Variants in AGBL4 observed in about 807,000 individuals in gnomAD.
AGBL4 encodes cytosolic carboxypeptidase 6.
A neutral mutation model predicts 66.4 loss-of-function variants in AGBL4; 58 were observed. The ratio of observed to expected loss-of-function variants is 0.87; its 90% CI spans 0.71 to 1.09. The LOEUF is 1.09. AGBL4 is among the 50% of genes least tolerant of loss of function. The probability of loss-of-function intolerance (pLI) is 0.00; values close to 1 mark genes in which losing one functional copy is unlikely to be tolerated. For synonymous variants in AGBL4, 234 were observed against 222.9 expected (o/e 1.05, Z -0.44); for missense variants, 579 against 631.0 (o/e 0.92, Z 0.88).
At chr1:49,163,180 T>C (rs1160982232) in intron 4 of AGBL4, among the ~76,000 whole-genome samples, 1 of 152,222 alleles carries the variant, frequency 6.6e-6, no homozygotes, top group Non-Finnish European at 1.5e-5. Context: ...GAACAAGTAC[T>C]CTTTCACACA....
At chr1:48,912,468 C>T (rs2355693) in intron 5 of AGBL4, among the ~76,000 whole-genome samples, 37,287 of 152,082 alleles carry the variant, frequency 0.25, 4,764 homozygotes, top group East Asian at 0.42. Context: ...CTGCCCAGGA[C>T]GTTGCCATTG....
intron 3 of AGBL4, among the ~76,000 whole-genome samples, chr1:49,323,448 A>ATTTTTTTTTT (rs11295329): frequency 1.0e-4 from 12 of 114,854 alleles, no homozygotes; most frequent in African/African-American, 1.4e-4. Context: ...TGCCTGGCTA[A>ATTTTTTTTTT]TTTTTTTTTT....
chr1:49,833,162 A>G (rs1263738477), intron 2 of AGBL4, among the ~76,000 whole-genome samples: 1 of 152,170 alleles, frequency 6.6e-6, no homozygotes. Context: ...TCTTGAATTA[A>G]TTTTTGTATA....
chr1:49,025,321 T>G (rs1018497901), intron 5 of AGBL4, among the ~76,000 whole-genome samples: 1 of 152,078 alleles, frequency 6.6e-6, no homozygotes, highest in Admixed American at 6.5e-5. Flanking sequence ...TTATCTCCCT[T>G]CTCTGGACCC....
intron 6 of AGBL4, among the ~76,000 whole-genome samples, chr1:48,721,910 A>G (rs752599): frequency 0.33 from 49,863 of 152,074 alleles, 8,963 homozygotes; most frequent in East Asian, 0.74. Context: ...ATGAGTGTGC[A>G]CTATATGCCA....
At chr1:48,970,534 A>G (rs1298033368) in intron 5 of AGBL4, among the ~76,000 whole-genome samples, 1 of 152,190 alleles carries the variant, frequency 6.6e-6, no homozygotes, top group Admixed American at 6.5e-5. Context: ...CAAATGATCT[A>G]CTGTTGCATT....
chr1:49,674,372 T>C lies in AGBL4; in HGVS notation c.282+22941A>G, dbSNP rs1367163444. Among the ~76,000 whole-genome samples, 3 of 151,974 alleles carry C rather than the reference T, an allele frequency of 2.0e-5. No homozygotes were observed. In the East Asian group the frequency reaches 5.8e-4, roughly 29 times the overall value. On this transcript the variant is annotated intron_variant, in intron 3 of 13. Transcript: ENST00000371839. ...CCCAGCATGTATTCTTCATGACACC[T>C]CCTCTACAAGAGTGAGTCAAATACA...
At chr1:48,888,354 C>T (rs1469864925) in intron 5 of AGBL4, among the ~76,000 whole-genome samples, 1 of 152,158 alleles carries the variant, frequency 6.6e-6, no homozygotes, top group Non-Finnish European at 1.5e-5. Context: ...CTCTGGGTAT[C>T]CTTCTGCCTC....
chr1:49,964,420 T>TG (rs1657382302), intron 1 of AGBL4, among the ~76,000 whole-genome samples: 1 of 152,142 alleles, frequency 6.6e-6, no homozygotes, highest in African/African-American at 2.4e-5. Context: ...CCTGAAGACC[T>TG]GATCAAGATA....
chr1:49,727,920 T>G (rs1005292584), intron 2 of AGBL4, among the ~76,000 whole-genome samples: 1 of 152,066 alleles, frequency 6.6e-6, no homozygotes, highest in Non-Finnish European at 1.5e-5. Context: ...TTCTGAAAAC[T>G]CTCCATTTTG....
At chr1:48,615,178 G>C (rs926328449) in intron 9 of AGBL4, among the ~76,000 whole-genome samples, 1 of 152,158 alleles carries the variant, frequency 6.6e-6, no homozygotes, top group African/African-American at 2.4e-5. Flanking sequence ...AGAGGAACAG[G>C]CATATTAGGA....
intron 6 of AGBL4, among the ~76,000 whole-genome samples, chr1:48,825,675 G>C (rs1646412185): frequency 6.6e-6 from 1 of 152,156 alleles, no homozygotes; most frequent in Non-Finnish European, 1.5e-5. Context: ...AAGGGGAAAG[G>C]GCATTTTCCT....
At chr1:49,536,134 T>A (rs1651563555) in intron 3 of AGBL4, among the ~76,000 whole-genome samples, 1 of 152,244 alleles carries the variant, frequency 6.6e-6, no homozygotes, top group Admixed American at 6.5e-5. Context: ...AGAATATTTC[T>A]ACTCTGAGTT....
At chr1:48,637,978 T>C (rs1356222779) in intron 8 of AGBL4, among the ~76,000 whole-genome samples, 1 of 152,152 alleles carries the variant, frequency 6.6e-6, no homozygotes, top group African/African-American at 2.4e-5. Flanking sequence ...AAAGGTACAT[T>C]ACCCTTGACA....
intron 11 of AGBL4, among the ~76,000 whole-genome samples, chr1:48,546,394 T>C (rs774996225): frequency 6.6e-6 from 1 of 152,174 alleles, no homozygotes; most frequent in South Asian, 2.1e-4. Flanking sequence ...AATGGAGGAA[T>C]TGTGAAAGGC....
intron 3 of AGBL4, among the ~76,000 whole-genome samples, chr1:49,679,971 G>T (rs978163480): frequency 6.6e-6 from 1 of 151,364 alleles, no homozygotes; most frequent in Non-Finnish European, 1.5e-5. Context: ...ATTAAGAACA[G>T]AGTAGAAGAA....
At chr1:49,602,005 A>G (rs1006058176) in intron 3 of AGBL4, among the ~76,000 whole-genome samples, 2 of 152,242 alleles carry the variant, frequency 1.3e-5, no homozygotes, top group African/African-American at 4.8e-5. Flanking sequence ...CAAATTTACA[A>G]GAAAAAAACA....
intron 3 of AGBL4, among the ~76,000 whole-genome samples, chr1:49,361,846 CTT>C (rs1478802719): frequency 1.3e-5 from 2 of 152,038 alleles, no homozygotes; most frequent in Non-Finnish European, 2.9e-5. Flanking sequence ...ACCATGATAA[CTT>C]TTAAAGTTTA....
In AGBL4 at chr1:49,365,103, G is replaced by A. The variant is rs376690509; in HGVS notation, c.283-119239C>T. Among the ~76,000 whole-genome samples the A allele has an allele frequency of 2.6e-5, 4 of 152,168 alleles. No individual in the cohort carries two copies. In the East Asian group the frequency reaches 7.7e-4, roughly 29 times the overall value. ...GTTATTATCCTGTGGTTGTTATATA[G>A]ATCAAATGAGAGAGGAGACTTGAAG... On this transcript the variant is annotated intron_variant, in intron 3 of 13. Coordinates refer to ENST00000371839, the MANE Select transcript of AGBL4 (RefSeq NM_032785.4).
Sources: gnomAD v4.1 joint callset for allele counts (sites outside exome capture counted in the v4.1 genomes callset) on GRCh38, gnomAD v4.1.1 for gene constraint, MANE v1.5 for transcripts, NCBI Gene and HGNC (gene_info 2026-07-23, HGNC 2026-07-21) for gene names.